The following SPTB variants were observed in gnomAD, a reference collection of about 807,000 sequenced individuals.
The protein encoded by SPTB is spectrin beta, erythrocytic, also known as spectrin beta chain, erythrocytic.
A neutral mutation model predicts 256.2 loss-of-function variants in SPTB; 45 were observed. That is an observed-to-expected ratio of 0.18 (90% CI 0.14 to 0.23). The LOEUF is 0.23. Among genes scored for constraint, SPTB ranks in the 10% least tolerant of loss-of-function variants. The pLI, the probability that SPTB is intolerant of heterozygous loss-of-function variation, is 1.00. For synonymous variants in SPTB, 1,231 were observed against 1,243.1 expected, an observed-to-expected ratio of 0.99 and a Z score of 0.21; for missense variants, 2,715 against 3,040.4, an observed-to-expected ratio of 0.89 and a Z score of 2.52.
Position 64,772,911 on chromosome 14 carries a change from G to A in SPTB, c.5222C>T (p.Ala1741Val), listed in dbSNP as rs745940095. The A allele has an allele frequency of 1.2e-5, 20 of 1,604,170 alleles. No individual in the cohort carries two copies. In the Middle Eastern group the frequency reaches 4.9e-4, roughly 40 times the overall value. ...ATTGTCCACCCGCTCCTGCCCAATCGCCCCGGTCTCCCGGGCAAAGTCCCG... is the reference window on the plus strand; with the variant it reads ...ATTGTCCACCCGCTCCTGCCCAATCACCCCGGTCTCCCGGGCAAAGTCCCG... ...KFRDFARETG[A>V]IGQERVDNVN... The change falls in exon 26 of 36, where the codon GCG (alanine) becomes GTG (valine). Residue 1741 changes from alanine to valine, a missense_variant. Coordinates refer to ENST00000644917, the MANE Select transcript of SPTB (RefSeq NM_001355436.2). This position sits in a 1 kb window ranked among gnomAD's most constrained non-coding sequence, Gnocchi z 5.4.
chr14:64,793,949 A>T lies in SPTB; in HGVS notation c.1796-82T>A, dbSNP rs1594783369. 6.9e-7 allele frequency: 1 copy of T among 1,440,186 alleles called. No individual in the cohort carries two copies. The highest frequency in any genetic ancestry group is 2.3e-5 in the East Asian group (1 of 42,768). 89.2% of individuals were successfully genotyped at this position (1,440,186 alleles called of 1,614,324 possible). On this transcript the variant is annotated intron_variant, in intron 13 of 35. Coordinates refer to ENST00000644917, the MANE Select transcript of SPTB (RefSeq NM_001355436.2). This position sits in a 1 kb window ranked among gnomAD's most constrained non-coding sequence, Gnocchi z 7.0. ...CGCTTCAGATAAGCTGCTAGGTTGG[A>T]ACTACACAACCCTGAAGCTGCCATG...
chr14:64,836,424 C>T (rs2083522964), intron 1 of SPTB, among the ~76,000 whole-genome samples: 1 of 151,978 alleles, frequency 6.6e-6, no homozygotes, highest in South Asian at 2.1e-4. Context: ...TACCAGATTG[C>T]CCCAGGGTAT....
In SPTB at chr14:64,749,740, G is replaced by C. The variant is rs750052546; in HGVS notation, c.6777-44C>G. The C allele has an allele frequency of 6.2e-7, 1 of 1,605,862 alleles. No homozygotes were observed. The highest frequency in any genetic ancestry group is 8.5e-7 in the Non-Finnish European group (1 of 1,175,892). On this transcript the variant is annotated intron_variant, in intron 34 of 35. Transcript: ENST00000644917. This position sits in a 1 kb window ranked among gnomAD's most constrained non-coding sequence, Gnocchi z 4.7. ...TCCTGTCATGGAGACACCTCTGGAGGGGGCGCTGGGCAGAGGGCTGGCTCT... is the reference window on the plus strand; with the variant it reads ...TCCTGTCATGGAGACACCTCTGGAGCGGGCGCTGGGCAGAGGGCTGGCTCT...
intron 28 of SPTB, among the ~76,000 whole-genome samples, chr14:64,769,357 A>G (rs529643802): frequency 6.6e-6 from 1 of 152,308 alleles, no homozygotes; most frequent in African/African-American, 2.4e-5. Flanking sequence ...TGTGGGTGTT[A>G]GGCCGGTTAT....
chr14:64,795,476 C>A lies in SPTB; in HGVS notation c.1505G>T (p.Arg502Leu). The A allele has an allele frequency of 5.6e-6, 9 of 1,614,166 alleles. No homozygotes were observed. The highest frequency in any genetic ancestry group is 1.3e-5 in the African/African-American group (1 of 75,046). The change falls in exon 12 of 36, where the codon CGC becomes CTC. Residue 502 changes from arginine (R) to leucine (L), a missense_variant. By Grantham distance (102) the Arg-to-Leu change is moderately radical (BLOSUM62 -2). This residue lies in a region of SPTB where 2,239 missense variants were observed against 2,384.4 expected (regional missense o/e 0.94). Coordinates refer to ENST00000644917, the MANE Select transcript of SPTB (RefSeq NM_001355436.2). This position sits in a 1 kb window ranked among gnomAD's most constrained non-coding sequence, Gnocchi z 6.5. ...NYHDQKRITA[R>L]KDNILRLWSY... ...CCATAGGCGCAGTATATTGTCCTTGCGGGCCGTGATGCGCTTCTGGTCATG... is the reference window on the plus strand; with the variant it reads ...CCATAGGCGCAGTATATTGTCCTTGAGGGCCGTGATGCGCTTCTGGTCATG...
intron 1 of SPTB, among the ~76,000 whole-genome samples, chr14:64,861,650 C>A (rs1269136168): frequency 6.6e-6 from 1 of 152,298 alleles, no homozygotes; most frequent in East Asian, 1.9e-4. Context: ...TTATTCACTG[C>A]ACAAAACTTC....
chr14:64,817,717 G>T lies in SPTB; in HGVS notation c.148+5230C>A, dbSNP rs229668. On this transcript the variant is annotated intron_variant, in intron 2 of 35. Coordinates refer to ENST00000644917, the MANE Select transcript of SPTB (RefSeq NM_001355436.2). Reference sequence around the variant, plus strand: ...ATCCTCCTGTACATAAGGGAAAAGGGGCCTGAGGGAGAGGCCAAACATGTC... The same window carrying T: ...ATCCTCCTGTACATAAGGGAAAAGGTGCCTGAGGGAGAGGCCAAACATGTC... Among the ~76,000 whole-genome samples, 800 of 152,362 alleles carry T rather than the reference G, an allele frequency of 5.3e-3. 7 individuals are homozygous for T. Among genetic ancestry groups the T allele is most frequent in the African/African-American group, 0.018 (766 of 41,584 alleles).
chr14:64,788,781 C>T (rs1197659064), intron 15 of SPTB, among the ~76,000 whole-genome samples: 2 of 152,202 alleles, frequency 1.3e-5, no homozygotes, highest in African/African-American at 4.8e-5. Flanking sequence ...CTCCACTGCA[C>T]TGTCTTTGAG....
chr14:64,805,884 T>C (rs913706795), intron 2 of SPTB, among the ~76,000 whole-genome samples: 1 of 152,140 alleles, frequency 6.6e-6, no homozygotes, highest in East Asian at 1.9e-4. Context: ...ATAATGAAGG[T>C]TTGGGCTGAG....
At chr14:64,805,140 G>T in intron 2 of SPTB, 50 bp from the exon 3 acceptor site, 1 of 1,610,998 alleles carries the variant, frequency 6.2e-7, no homozygotes, top group Non-Finnish European at 8.5e-7. Flanking sequence ...GGCAGGGTCA[G>T]TGTGACATGG....
intron 1 of SPTB, among the ~76,000 whole-genome samples, chr14:64,865,440 T>C (rs1419894603): frequency 6.6e-6 from 1 of 152,092 alleles, no homozygotes; most frequent in Non-Finnish European, 1.5e-5. Context: ...TTAGAAGTAT[T>C]GAACCCTTGG....
In SPTB at chr14:64,826,385, A is replaced by G. The variant is rs919066079; in HGVS notation, c.-51-3240T>C. ...TGACCATGACTGAAAAAAACAGCAT[A>G]TGTTGGGGCTCATGGTGGGGACACC... On this transcript the variant is annotated intron_variant, in intron 1 of 35. Transcript: ENST00000644917. This position sits in a 1 kb window ranked among gnomAD's most constrained non-coding sequence, Gnocchi z 4.4. Among the ~76,000 whole-genome samples the G allele has an allele frequency of 1.3e-5, 2 of 152,204 alleles. No individual in the cohort carries two copies. Among genetic ancestry groups the G allele is most frequent in the African/African-American group, 4.8e-5 (2 of 41,446 alleles).
chr14:64,771,747 A>G (rs2082282155), intron 26 of SPTB, among the ~76,000 whole-genome samples: 1 of 152,138 alleles, frequency 6.6e-6, no homozygotes, highest in South Asian at 2.1e-4. Flanking sequence ...TGGCATCCCC[A>G]AATGCAACAG....
rs74056039 is a variant in SPTB at position 64,828,064 on chromosome 14, A to G, written c.-51-4919T>C. ...GCTATTAGTGCATCACTGATGGACT[A>G]TGGTTTGGGGTGCTTAAAGTCCCAA... On this transcript the variant is annotated intron_variant, in intron 1 of 35. Transcript: ENST00000644917. Among the ~76,000 whole-genome samples the G allele has an allele frequency of 7.4e-3, 1,121 of 152,278 alleles. 16 individuals carry two copies. Among genetic ancestry groups the G allele is most frequent in the African/African-American group, 0.025 (1,055 of 41,544 alleles).
rs566400536 is a variant in SPTB at position 64,841,134 on chromosome 14, T to C, written c.-51-17989A>G. On this transcript the variant is annotated intron_variant, in intron 1 of 35. Transcript: ENST00000644917. This position sits in a 1 kb window ranked among gnomAD's most constrained non-coding sequence, Gnocchi z 4.6. Reference sequence around the variant, plus strand: ...ATTGGATTTTGTAAACCCCATTACATTGACTCCTCAGAACAACGCTGAGTA... The same window carrying C: ...ATTGGATTTTGTAAACCCCATTACACTGACTCCTCAGAACAACGCTGAGTA... 2.6e-5 allele frequency among the ~76,000 whole-genome samples: 4 copies of C among 152,194 alleles called. No individual in the cohort carries two copies. Among genetic ancestry groups the C allele is most frequent in the Non-Finnish European group, 4.4e-5 (3 of 68,038 alleles).
intron 1 of SPTB, among the ~76,000 whole-genome samples, chr14:64,832,786 C>A (rs758700404): frequency 2.6e-5 from 4 of 152,182 alleles, no homozygotes; most frequent in Non-Finnish European, 5.9e-5. Flanking sequence ...AGCCCCTTTG[C>A]TATCTCTCCA....
chr14:64,769,432 A>T (rs767554750), intron 28 of SPTB, among the ~76,000 whole-genome samples, 158 bp downstream of exon 28: 1 of 152,196 alleles, frequency 6.6e-6, no homozygotes, highest in Non-Finnish European at 1.5e-5. Context: ...CTGGGGCTCC[A>T]ATCCCCGGGC....
intron 1 of SPTB, among the ~76,000 whole-genome samples, chr14:64,868,996 T>C (rs995484398): frequency 2.0e-5 from 3 of 151,648 alleles, no homozygotes; most frequent in Non-Finnish European, 4.4e-5. Context: ...ATTACCTCTG[T>C]AATTTCAAAT....
At chr14:64,787,716 A>C (rs1332127686) in intron 15 of SPTB, among the ~76,000 whole-genome samples, 1 of 152,252 alleles carries the variant, frequency 6.6e-6, no homozygotes, top group Non-Finnish European at 1.5e-5. Flanking sequence ...ATAAGTTGTG[A>C]TGATAATTTA....
Sources: allele counts gnomAD v4.1 joint callset (sites outside exome capture counted in the v4.1 genomes callset), GRCh38; gene constraint gnomAD v4.1.1; regional missense constraint gnomAD v4.1.1; non-coding constraint Gnocchi (gnomAD v3.1); transcripts MANE v1.5; gene names NCBI Gene and HGNC (gene_info 2026-07-23, HGNC 2026-07-21).